DDX51: variants seen among roughly 807,000 people sequenced by gnomAD.
The protein encoded by DDX51 is ATP-dependent RNA helicase DDX51.
Under a neutral mutation model 74.6 loss-of-function variants are expected in DDX51, and 67 were observed. That is an observed-to-expected ratio of 0.90 (90% CI 0.74 to 1.10). The LOEUF is 1.10. DDX51 is among the 50% of genes least tolerant of loss of function. DDX51 has a pLI of 0.00. For missense variants in DDX51, 1,056 were observed against 905.2 expected (o/e 1.17, Z -2.14); for synonymous variants, 545 against 402.9 (o/e 1.35, Z -4.22).
rs1385472750 is a variant in DDX51 at position 132,139,623 on chromosome 12, T to C, written c.1974+12A>G. 6.8e-6 allele frequency: 11 copies of C among 1,613,036 alleles called. No individual in the cohort carries two copies. The highest frequency in any genetic ancestry group is 6.7e-5 in the Admixed American group (4 of 60,000). On this transcript the variant is annotated intron_variant, in intron 14 of 14. Coordinates refer to ENST00000397333, the MANE Select transcript of DDX51 (RefSeq NM_175066.4). ...CCCCAGAGGGTTTCATGCCGGACTC[T>C]GGTGCCCTTACCTTGACAGACTCCT... is the stretch of plus-strand genomic sequence containing the variant.
Position 132,140,141 on chromosome 12 carries a change from C to T in DDX51, c.1732G>A (p.Val578Met). ...AGGTACTGGGGGGCGTCGTAGTTCA[C>T]CACCAGCTCCACACCCTGCACGTCG... is the stretch of plus-strand genomic sequence containing the variant. The part of the protein sequence containing the change: ...GIDVQGVELV[V>M]NYDAPQYLRT... The change falls in exon 12 of 15, where the codon GTG (valine) becomes ATG (methionine). Residue 578 changes from valine to methionine, a missense_variant. Physicochemically the swap from Val to Met is conservative, Grantham distance 21. Transcript: ENST00000397333. 2.5e-6 allele frequency: 4 copies of T among 1,612,934 alleles called. No homozygotes were observed. The highest frequency in any genetic ancestry group is 2.2e-5 in the South Asian group (2 of 91,088).
Position 132,140,983 on chromosome 12 carries a change from A to C in DDX51, c.1288T>G (p.Phe430Val). 2 of 1,607,810 alleles carry C rather than the reference A, an allele frequency of 1.2e-6. No homozygotes were observed. The highest frequency in any genetic ancestry group is 2.2e-5 in the South Asian group (2 of 90,790). Reference sequence around the variant, plus strand: ...GGGTTCTGGGTCAGAGTAGCTGAGAAGAGCAGCTTCTGCAGGGGCATCTGG... The same window carrying C: ...GGGTTCTGGGTCAGAGTAGCTGAGACGAGCAGCTTCTGCAGGGGCATCTGG... ...CPQMPLQKLL[F>V]SATLTQNPEK... is the part of the protein sequence containing the mutation. The change falls in exon 9 of 15, where the codon TTC becomes GTC. Residue 430 changes from phenylalanine to valine, a missense_variant. Coordinates refer to ENST00000397333, the MANE Select transcript of DDX51 (RefSeq NM_175066.4).
In DDX51 at chr12:132,137,522, AAC is replaced by A. The variant is rs1897296177; in HGVS notation, c.*1748_*1749del. 1 of 152,108 alleles carries A rather than the reference AAC, an allele frequency of 6.6e-6. No homozygotes were observed. Among genetic ancestry groups the A allele is most frequent in the Non-Finnish European group, 1.5e-5 (1 of 68,028 alleles). The allele number at this position is 152,108 out of a possible 1,614,324, so 9.4% of individuals were successfully genotyped here. ...TTTGTGTTCTGCTGGCATTTGTTTG[AAC>A]ACAGTCCACAGGTTCAGTGGTTGCA... On this transcript the variant is annotated 3_prime_UTR_variant, in exon 15 of 15. Coordinates refer to ENST00000397333, the MANE Select transcript of DDX51 (RefSeq NM_175066.4).
chr12:132,139,368 T>C, intron 14 of DDX51, 70 bp from the exon 15 acceptor site: 1 of 1,579,846 alleles, frequency 6.3e-7, no homozygotes, highest in South Asian at 1.1e-5. Flanking sequence ...CCCCGGGCTC[T>C]GCCCCTGGAA....
intron 5 of DDX51, 24 bp downstream of exon 5, chr12:132,142,095 G>A (rs753384237): frequency 7.6e-5 from 118 of 1,556,956 alleles, no homozygotes; most frequent in Non-Finnish European, 9.5e-5. Flanking sequence ...GCGGTGCCAC[G>A]CTCCAGGTCT....
rs1337417897 is a variant in DDX51 at position 132,140,453 on chromosome 12, A to C, written c.1643T>G (p.Leu548Arg). 1.2e-6 allele frequency: 2 copies of C among 1,613,176 alleles called. No homozygotes were observed. Among genetic ancestry groups the C allele is most frequent in the Non-Finnish European group, 1.7e-6 (2 of 1,180,018 alleles). Residue 548 changes from leucine (L) to arginine (R), a missense_variant, in exon 11 of 15, where the codon CTG becomes CGG. By Grantham distance (102) the Leu-to-Arg change is moderately radical (BLOSUM62 -2). Transcript: ENST00000397333. ...RYGPGQRRMI[L>R]KQFEQGKIQL... The stretch of plus-strand genomic sequence containing the variant: ...GATCTTCCCCTGTTCAAACTGCTTC[A>C]GGATCATCCTCCTCTGGCCAGGCCC...
chr12:132,144,043 T>C lies in DDX51; in HGVS notation c.254A>G (p.Glu85Gly). The part of the protein sequence containing the change: ...RVNDAEPGSP[E>G]APQGKRRKAD... Reference sequence around the variant, plus strand: ...CTTCCGTCGCTTTCCCTGCGGCGCCTCCGGGCTCCCCGGCTCCGCGTCGTT... The same window carrying C: ...CTTCCGTCGCTTTCCCTGCGGCGCCCCCGGGCTCCCCGGCTCCGCGTCGTT... The change falls in exon 1 of 15, where the codon GAG becomes GGG. Residue 85 changes from glutamate to glycine, a missense_variant. Physicochemically the swap from Glu to Gly is moderately conservative, Grantham distance 98. Coordinates refer to ENST00000397333, the MANE Select transcript of DDX51 (RefSeq NM_175066.4). The C allele has an allele frequency of 1.5e-6, 2 of 1,347,762 alleles. No individual in the cohort carries two copies. Among genetic ancestry groups the C allele is most frequent in the Non-Finnish European group, 1.9e-6 (2 of 1,055,556 alleles). The allele number at this position is 1,347,762 out of a possible 1,614,324, so 83.5% of individuals were successfully genotyped here. A position where few individuals can be genotyped will look rare whatever the true frequency, so the allele number is the denominator to read the frequency against.
chr12:132,141,639 G>A (rs778497747), intron 6 of DDX51, 33 bp from the exon 7 acceptor site: 9 of 1,543,176 alleles, frequency 5.8e-6, no homozygotes, highest in Non-Finnish European at 7.9e-6. Context: ...AGAGAAGGAA[G>A]CTTTCTCAAG....
chr12:132,140,756 C>T (rs773572429), intron 9 of DDX51, 21 bp from the exon 10 acceptor site: 62 of 1,612,770 alleles, frequency 3.8e-5, no homozygotes, highest in South Asian at 2.1e-4. Flanking sequence ...GGCAGGGGGT[C>T]GGGGTGGAGG....
In DDX51 at chr12:132,141,258, G is replaced by C. The variant is rs1475753456; in HGVS notation, c.1250+17C>G. On this transcript the variant is annotated intron_variant, in intron 8 of 14. Coordinates refer to ENST00000397333, the MANE Select transcript of DDX51 (RefSeq NM_175066.4). ...TCTGCTCAGGGGAGGCCAGCACCTGGGCGTGCTGCTGGATACCTGGCGGCT... is the reference window on the plus strand; with the variant it reads ...TCTGCTCAGGGGAGGCCAGCACCTGCGCGTGCTGCTGGATACCTGGCGGCT... 3 of 1,580,014 alleles carry C rather than the reference G, an allele frequency of 1.9e-6. No individual in the cohort carries two copies. Among genetic ancestry groups the C allele is most frequent in the Non-Finnish European group, 2.6e-6 (3 of 1,168,894 alleles).
Position 132,140,329 on chromosome 12 carries a change from T to G in DDX51, c.1673+94A>C. On this transcript the variant is annotated intron_variant, in intron 11 of 14. Transcript: ENST00000397333. ...ATGGGGCTGGGGCACAGGAAGCCAA[T>G]TTGCAGAAGGAAGCACCTTTTAGAG... 10 of 1,569,156 alleles carry G rather than the reference T, an allele frequency of 6.4e-6. No individual in the cohort carries two copies. In the South Asian group the frequency reaches 1.1e-4, roughly 18 times the overall value.
intron 14 of DDX51, 38 bp from the exon 15 acceptor site, chr12:132,139,336 T>C: frequency 6.2e-7 from 1 of 1,600,156 alleles, no homozygotes; most frequent in South Asian, 1.1e-5. Context: ...CCACACACTC[T>C]GTCCCCTCAT....
chr12:132,142,518 G>C (rs1897506560), intron 3 of DDX51, 96 bp from the exon 4 acceptor site: 2 of 1,524,588 alleles, frequency 1.3e-6, no homozygotes, highest in Non-Finnish European at 1.8e-6. Flanking sequence ...TGCTCTGCTG[G>C]AGGCCTGGGA....
In DDX51 at chr12:132,139,061, T is replaced by A; in HGVS notation, c.*211A>T. ...CGCAGCCATCCTGACCTCCACACTC[T>A]GAAAGTGACAAGCCCTGAAGTCTCC... is the stretch of plus-strand genomic sequence containing the variant. On this transcript the variant is annotated 3_prime_UTR_variant, in exon 15 of 15. Coordinates refer to ENST00000397333, the MANE Select transcript of DDX51 (RefSeq NM_175066.4). The A allele has an allele frequency of 1.5e-6, 1 of 652,872 alleles. No homozygotes were observed. The highest frequency in any genetic ancestry group is 2.8e-5 in the East Asian group (1 of 36,236). The allele number at this position is 652,872 out of a possible 1,614,324, so 40.4% of individuals were successfully genotyped here. A position where few individuals can be genotyped will look rare whatever the true frequency, so the allele number is the denominator to read the frequency against.
chr12:132,141,942 G>C lies in DDX51; in HGVS notation c.903C>G (p.Phe301Leu). Residue 301 changes from phenylalanine to leucine, a missense_variant, in exon 6 of 15, where the codon TTC becomes TTG. Transcript: ENST00000397333. The stretch of plus-strand genomic sequence containing the variant: ...GAGGTGTGGCATCTGTGTAGATGTT[G>C]AAAACTTTGCTCACCTGCAGGAGAA... ...KELAQQVSKVFNIYTDATPLR... is the reference protein window; with the variant it reads ...KELAQQVSKVLNIYTDATPLR... 2 of 1,613,060 alleles carry C rather than the reference G, an allele frequency of 1.2e-6. No individual in the cohort carries two copies. Among genetic ancestry groups the C allele is most frequent in the Non-Finnish European group, 1.7e-6 (2 of 1,179,966 alleles).
intron 2 of DDX51, chr12:132,143,446 C>T (rs1897558993): frequency 5.1e-6 from 3 of 584,552 alleles, no homozygotes; most frequent in Middle Eastern, 4.5e-4. Context: ...CCCGCACGTT[C>T]ACGCAAACAC....
At position 132,139,732 on chromosome 12, in the gene DDX51, G is replaced by A. The variant is rs562534878; in HGVS notation, c.1877C>T (p.Ala626Val). Residue 626 changes from alanine (A) to valine (V), a missense_variant, in exon 14 of 15, where the codon GCA (alanine) becomes GTA (valine). Physicochemically the swap from Ala to Val is moderately conservative, Grantham distance 64. Transcript: ENST00000397333. ...GAGCTCGTGCCGCTGCAACTCAGGT[G>A]CCCCAGCTTCAGTTAGCATTCGGAG... ...RFLRMLTEAGAPELQRHELSS... is the reference protein window; with the variant it reads ...RFLRMLTEAGVPELQRHELSS... 2.5e-6 allele frequency: 4 copies of A among 1,613,122 alleles called. No homozygotes were observed. In the East Asian group the frequency reaches 6.7e-5, roughly 27 times the overall value.
In DDX51 at chr12:132,144,212, C is replaced by T; in HGVS notation, c.85G>A (p.Gly29Ser). The T allele has an allele frequency of 5.0e-6, 6 of 1,200,526 alleles. No individual in the cohort carries two copies. Among genetic ancestry groups the T allele is most frequent in the Non-Finnish European group, 5.2e-6 (5 of 968,310 alleles). The allele number at this position is 1,200,526 out of a possible 1,614,324, so 74.4% of individuals were successfully genotyped here. ...CGCTCGAGCAGCGCGCGGGCCCTGC[C>T]GTGCGCCCCGGCCTCCGCGCCCTCC... ...GPEGAEAGAH[G>S]RARALLERLQ... is the part of the protein sequence containing the mutation. The change falls in exon 1 of 15, where the codon GGC (glycine) becomes AGC (serine). Residue 29 changes from glycine to serine, a missense_variant. Physicochemically the swap from Gly to Ser is moderately conservative, Grantham distance 56. Transcript: ENST00000397333.
chr12:132,139,306 G>A lies in DDX51; in HGVS notation c.1975-8C>T. On this transcript the variant is annotated splice_polypyrimidine_tract_variant and splice_region_variant and intron_variant, in intron 14 of 14. Coordinates refer to ENST00000397333, the MANE Select transcript of DDX51 (RefSeq NM_175066.4). ...CCTCTGCTTGCGCTCTTCCTGTGGA[G>A]GAAAGGGGAGGGCTCAGCACCACAC... 1 of 1,607,886 alleles carries A rather than the reference G, an allele frequency of 6.2e-7. No individual in the cohort carries two copies. Among genetic ancestry groups the A allele is most frequent in the Non-Finnish European group, 8.5e-7 (1 of 1,178,134 alleles).
Sources: gnomAD v4.1 joint callset for allele counts on GRCh38, gnomAD v4.1.1 for gene constraint, MANE v1.5 for transcripts, NCBI Gene and HGNC (gene_info 2026-07-23, HGNC 2026-07-21) for gene names.